Variants in FHIT observed in about 807,000 individuals in gnomAD.
The protein encoded by FHIT is fragile histidine triad diadenosine triphosphatase, also known as bis(5'-adenosyl)-triphosphatase.
Under a neutral mutation model 17.9 loss-of-function variants are expected in FHIT, and 19 were observed. That is an observed-to-expected ratio of 1.06 (90% CI 0.74 to 1.56). The LOEUF (loss-of-function observed/expected upper bound fraction) is 1.56. FHIT is among the 40% of genes most tolerant of loss of function. FHIT has a pLI of 0.00. For missense variants in FHIT, 248 were observed against 189.2 expected (o/e 1.31, Z -1.82); for synonymous variants, 81 against 69.7 (o/e 1.16, Z -0.81).
chr3:59,759,205 T>C lies in FHIT; in HGVS notation c.349-6884A>G, dbSNP rs191268285. 9.1e-4 allele frequency among the ~76,000 whole-genome samples: 138 copies of C among 151,756 alleles called. 1 individual carries two copies. Among genetic ancestry groups the C allele is most frequent in the African/African-American group, 2.9e-3 (122 of 41,404 alleles). ...GGCTGGAAGAGTGAGAGAGAGGACT[T>C]GGGGGGATGGCAGATCATTTGCACC... is the stretch of plus-strand genomic sequence containing the variant. On this transcript the variant is annotated intron_variant, in intron 8 of 9. Transcript: ENST00000492590.
At chr3:60,526,314 T>C (rs1037417988) in intron 5 of FHIT, among the ~76,000 whole-genome samples, 1 of 152,090 alleles carries the variant, frequency 6.6e-6, no homozygotes, top group Non-Finnish European at 1.5e-5. Context: ...TGAGGATCCA[T>C]TTACAAAAGG....
chr3:60,571,516 A>C (rs183270939), intron 4 of FHIT, among the ~76,000 whole-genome samples: 1 of 152,086 alleles, frequency 6.6e-6, no homozygotes, highest in Non-Finnish European at 1.5e-5. Context: ...AAAATTTTAC[A>C]GTAAACAGGA....
intron 5 of FHIT, among the ~76,000 whole-genome samples, chr3:60,098,789 A>C (rs897057138): frequency 5.3e-5 from 8 of 152,164 alleles, no homozygotes; most frequent in South Asian, 2.1e-4. Flanking sequence ...CAACATACAA[A>C]ATGTGTTAAC....
At chr3:60,337,777 G>A (rs1710314410) in intron 5 of FHIT, among the ~76,000 whole-genome samples, 1 of 152,122 alleles carries the variant, frequency 6.6e-6, no homozygotes, top group South Asian at 2.1e-4. Context: ...TGTACCTGGG[G>A]TTTCCATAAA....
intron 5 of FHIT, among the ~76,000 whole-genome samples, chr3:60,340,965 A>T (rs1376991732): frequency 6.6e-6 from 1 of 152,162 alleles, no homozygotes; most frequent in Non-Finnish European, 1.5e-5. Flanking sequence ...GCTGGATTAC[A>T]GGTGTGAGCC....
At chr3:60,124,886 G>A (rs748772954) in intron 5 of FHIT, among the ~76,000 whole-genome samples, 4 of 152,160 alleles carry the variant, frequency 2.6e-5, no homozygotes, top group Non-Finnish European at 5.9e-5. Context: ...AGAGTCCACT[G>A]TCAGCCTGGC....
intron 5 of FHIT, among the ~76,000 whole-genome samples, chr3:60,022,059 A>G (rs1700572042): frequency 6.6e-6 from 1 of 152,238 alleles, no homozygotes; most frequent in Non-Finnish European, 1.5e-5. Context: ...TTATCTACAA[A>G]ATAATAATGA....
intron 3 of FHIT, among the ~76,000 whole-genome samples, chr3:60,977,886 A>G (rs1411189727): frequency 6.6e-6 from 1 of 152,138 alleles, no homozygotes; most frequent in Non-Finnish European, 1.5e-5. Flanking sequence ...ACAAAAACAA[A>G]AAGACAGAGT....
chr3:60,187,698 A>T (rs886241374), intron 5 of FHIT, among the ~76,000 whole-genome samples: 2 of 152,168 alleles, frequency 1.3e-5, no homozygotes, highest in African/African-American at 4.8e-5. Flanking sequence ...TTTCAATACA[A>T]ATCACAGTCT....
Position 60,059,104 on chromosome 3 carries a change from C to G in FHIT, c.104-44952G>C, listed in dbSNP as rs551463040. Among the ~76,000 whole-genome samples, 3 of 152,294 alleles carry G rather than the reference C, an allele frequency of 2.0e-5. No individual in the cohort carries two copies. The South Asian group carries it at 6.2e-4, about 32-fold the overall frequency. On this transcript the variant is annotated intron_variant, in intron 5 of 9. Coordinates refer to ENST00000492590, the MANE Select transcript of FHIT (RefSeq NM_002012.4). ...CCCACCAGGAAAGCCACGCTACCAT[C>G]AGGTGATGGTCAGGTGGTTGTTAAC...
chr3:60,280,785 CCT>C (rs1388931122), intron 5 of FHIT, among the ~76,000 whole-genome samples: 1 of 151,928 alleles, frequency 6.6e-6, no homozygotes, highest in Non-Finnish European at 1.5e-5. Flanking sequence ...AAGATTTTCC[CCT>C]GTTAATACTC....
At position 60,958,639 on chromosome 3, in the gene FHIT, C is replaced by T. The variant is rs75917899; in HGVS notation, c.-111+83408G>A. 9.4e-3 allele frequency among the ~76,000 whole-genome samples: 1,424 copies of T among 152,224 alleles called. 19 individuals are homozygous for T. Among genetic ancestry groups the T allele is most frequent in the African/African-American group, 0.032 (1,342 of 41,530 alleles). On this transcript the variant is annotated intron_variant, in intron 3 of 9. Coordinates refer to ENST00000492590, the MANE Select transcript of FHIT (RefSeq NM_002012.4). ...GTCTTTGGTGGCCCTTCATCAAGTG[C>T]AATTTGGTAGCCTAAATGATATGGG... is the stretch of plus-strand genomic sequence containing the variant.
intron 3 of FHIT, among the ~76,000 whole-genome samples, chr3:61,019,156 C>G (rs60506419): frequency 0.033 from 5,010 of 152,266 alleles, 205 homozygotes; most frequent in African/African-American, 0.079. Context: ...ATCATAACAA[C>G]TGATATATCA....
intron 5 of FHIT, among the ~76,000 whole-genome samples, chr3:60,465,544 T>C (rs1259747237): frequency 6.6e-6 from 1 of 152,142 alleles, no homozygotes; most frequent in African/African-American, 2.4e-5. Context: ...AAGTCTTTAA[T>C]CCATTTTGAT....
chr3:61,001,711 G>C (rs1301780464), intron 3 of FHIT, among the ~76,000 whole-genome samples: 1 of 152,208 alleles, frequency 6.6e-6, no homozygotes, highest in Non-Finnish European at 1.5e-5. Context: ...CTGATGATGG[G>C]ACAGTGAAGT....
intron 5 of FHIT, among the ~76,000 whole-genome samples, chr3:60,025,648 A>T (rs78370635): frequency 0.012 from 1,877 of 152,186 alleles, 36 homozygotes; most frequent in African/African-American, 0.042. Flanking sequence ...AGGCAGCTGG[A>T]CACATAAAGA....
chr3:59,939,828 TAG>T (rs1559482586), intron 7 of FHIT, among the ~76,000 whole-genome samples: 1 of 152,144 alleles, frequency 6.6e-6, no homozygotes, highest in Non-Finnish European at 1.5e-5. Context: ...AAAAAGTCTA[TAG>T]AGGTAGGGAG....
At chr3:60,526,972 T>A (rs117960095) in intron 5 of FHIT, among the ~76,000 whole-genome samples, 1 of 152,284 alleles carries the variant, frequency 6.6e-6, no homozygotes, top group East Asian at 1.9e-4. Flanking sequence ...TCCTCTCCCT[T>A]TGCGGTTTGG....
At chr3:61,216,299 C>A (rs1363000193) in intron 1 of FHIT, among the ~76,000 whole-genome samples, 4 of 152,006 alleles carry the variant, frequency 2.6e-5, no homozygotes, top group East Asian at 1.9e-4. Context: ...ATTTACAAGA[C>A]AAAAACAAAC....
Sources: allele counts gnomAD v4.1 joint callset (sites outside exome capture counted in the v4.1 genomes callset), GRCh38; gene constraint gnomAD v4.1.1; transcripts MANE v1.5; gene names NCBI Gene and HGNC (gene_info 2026-07-23, HGNC 2026-07-21).